DNAJC3: variants seen among roughly 807,000 people sequenced by gnomAD.
The protein encoded by DNAJC3 is DnaJ heat shock protein family (Hsp40) member C3.
Under a neutral mutation model 68.6 loss-of-function variants are expected in DNAJC3, and 38 were observed. The observed-to-expected ratio is 0.55, with a 90% CI of 0.43 to 0.73. DNAJC3 has a LOEUF of 0.73. Among genes scored for constraint, DNAJC3 ranks in the 30% least tolerant of loss-of-function variants. DNAJC3 has a pLI of 0.00. For missense variants in DNAJC3, 526 were observed against 591.9 expected (o/e 0.89, Z 1.16); for synonymous variants, 203 against 204.0 (o/e 1.00, Z 0.04).
intron 2 of DNAJC3, among the ~76,000 whole-genome samples, chr13:95,717,130 T>C (rs570831025): frequency 6.6e-6 from 1 of 152,308 alleles, no homozygotes; most frequent in South Asian, 2.1e-4. Flanking sequence ...TAATAGACTT[T>C]ACAGAGGGTC....
At chr13:95,753,405 A>T (rs1882547575) in intron 4 of DNAJC3, among the ~76,000 whole-genome samples, 1 of 152,214 alleles carries the variant, frequency 6.6e-6, no homozygotes, top group African/African-American at 2.4e-5. Flanking sequence ...AGAATATGTG[A>T]AGGCAAATTC....
intron 1 of DNAJC3, chr13:95,693,428 A>G (rs1484610937): frequency 6.6e-6 from 1 of 152,132 alleles, no homozygotes; most frequent in African/African-American, 2.4e-5. Flanking sequence ...TTCTAATAGG[A>G]CAACCCCACT....
chr13:95,710,666 G>C (rs1273749171), intron 2 of DNAJC3, among the ~76,000 whole-genome samples: 3 of 151,048 alleles, frequency 2.0e-5, no homozygotes, highest in Non-Finnish European at 4.4e-5. Flanking sequence ...GTGGTGTTTT[G>C]TTTTGTTTTG....
chr13:95,704,592 A>G (rs192445281), intron 1 of DNAJC3, among the ~76,000 whole-genome samples: 1 of 152,322 alleles, frequency 6.6e-6, no homozygotes, highest in African/African-American at 2.4e-5. Flanking sequence ...TAGGTAATAC[A>G]TTCTGTGAGT....
chr13:95,735,485 G>T (rs2139652376), intron 4 of DNAJC3, among the ~76,000 whole-genome samples: 1 of 145,568 alleles, frequency 6.9e-6, no homozygotes, highest in Middle Eastern at 3.5e-3. Context: ...AGCACCTGTT[G>T]TTTCCTGACT....
chr13:95,703,214 T>C (rs551594543), intron 1 of DNAJC3, among the ~76,000 whole-genome samples: 2 of 152,344 alleles, frequency 1.3e-5, no homozygotes, highest in South Asian at 4.1e-4. Context: ...CACCTTACTA[T>C]GTATGGTTGA....
At chr13:95,782,572 T>G (rs1309896909) in intron 9 of DNAJC3, among the ~76,000 whole-genome samples, 1 of 152,226 alleles carries the variant, frequency 6.6e-6, no homozygotes, top group Non-Finnish European at 1.5e-5. Flanking sequence ...GAGCTTTTTT[T>G]CATATGTCTG....
intron 2 of DNAJC3, 107 bp from the exon 3 acceptor site, chr13:95,723,135 C>A: frequency 1.0e-6 from 1 of 992,508 alleles, no homozygotes; most frequent in Non-Finnish European, 1.4e-6. Flanking sequence ...TTCTTAATGT[C>A]CATCTTAGTA....
In DNAJC3 at chr13:95,686,122, C is replaced by T. The variant is rs552196038; in HGVS notation, c.82+8785C>T. ...GACTACAGGTGCCTGCCACCATGCCCGGCTAATTTTTTGTATTTTTAGTAG... is the reference window on the plus strand; with the variant it reads ...GACTACAGGTGCCTGCCACCATGCCTGGCTAATTTTTTGTATTTTTAGTAG... On this transcript the variant is annotated intron_variant, in intron 1 of 11. Coordinates refer to ENST00000602402, the MANE Select transcript of DNAJC3 (RefSeq NM_006260.5). 7.2e-5 allele frequency among the ~76,000 whole-genome samples: 11 copies of T among 152,176 alleles called. No individual in the cohort carries two copies. The South Asian group carries it at 1.2e-3, about 17-fold the overall frequency.
rs1461550112 is a variant in DNAJC3, at chr13:95,740,331, GGCTCCACCCAGTTGGA to G, written c.393+15083_393+15098del. ...AGGCAGGCCTCCTTGAGCTGTGGTG[GGCTCCACCCAGTTGGA>G]GCTTCCCGGCTGCTTTGTTTACCTA... On this transcript the variant is annotated intron_variant, in intron 4 of 11. Coordinates refer to ENST00000602402, the MANE Select transcript of DNAJC3 (RefSeq NM_006260.5). 2.2e-3 allele frequency among the ~76,000 whole-genome samples: 335 copies of G among 152,344 alleles called. 1 individual carries two copies. The highest frequency in any genetic ancestry group is 3.5e-3 in the Non-Finnish European group (239 of 68,030).
chr13:95,730,300 CT>C (rs1384822765), intron 4 of DNAJC3, among the ~76,000 whole-genome samples: 1 of 152,132 alleles, frequency 6.6e-6, no homozygotes, highest in Non-Finnish European at 1.5e-5. Flanking sequence ...AGCCCAGAAG[CT>C]TTTTAGTTTA....
rs1362218434 is a variant in DNAJC3, at chr13:95,691,383, C to T, written c.82+14046C>T. Among the ~76,000 whole-genome samples the T allele has an allele frequency of 5.3e-5, 8 of 149,676 alleles. No individual in the cohort carries two copies. In the South Asian group the frequency reaches 6.4e-4, roughly 12 times the overall value. On this transcript the variant is annotated intron_variant, in intron 1 of 11. Coordinates refer to ENST00000602402, the MANE Select transcript of DNAJC3 (RefSeq NM_006260.5). Reference sequence around the variant, plus strand: ...GGGTCTCCTCACTTCTCAGACGGGGCGGCCGGGCAGAGACGCTCCTCACAT... The same window carrying T: ...GGGTCTCCTCACTTCTCAGACGGGGTGGCCGGGCAGAGACGCTCCTCACAT...
chr13:95,750,701 A>T lies in DNAJC3; in HGVS notation c.394-6943A>T, dbSNP rs918118608. On this transcript the variant is annotated intron_variant, in intron 4 of 11. Transcript: ENST00000602402. Reference sequence around the variant, plus strand: ...ATTTTTGTATTTTTTAGTAGAAATGATGTTTCTCCATGTTGGCCAGGCTGG... The same window carrying T: ...ATTTTTGTATTTTTTAGTAGAAATGTTGTTTCTCCATGTTGGCCAGGCTGG... 2.0e-5 allele frequency among the ~76,000 whole-genome samples: 3 copies of T among 151,768 alleles called. No homozygotes were observed. The East Asian group carries it at 5.8e-4, about 29-fold the overall frequency.
chr13:95,755,238 G>A (rs946138361), intron 4 of DNAJC3, among the ~76,000 whole-genome samples: 30 of 152,110 alleles, frequency 2.0e-4, no homozygotes, highest in African/African-American at 7.2e-4. Flanking sequence ...CTGAGGCCCG[G>A]AGTTGGAGAC....
chr13:95,783,793 G>A (rs769312357), intron 9 of DNAJC3, among the ~76,000 whole-genome samples: 1 of 152,172 alleles, frequency 6.6e-6, no homozygotes, highest in Non-Finnish European at 1.5e-5. Flanking sequence ...TTGTCACACG[G>A]CCACGAAAAA....
chr13:95,724,973 C>T (rs1000768438), intron 3 of DNAJC3, among the ~76,000 whole-genome samples: 7 of 151,954 alleles, frequency 4.6e-5, no homozygotes, highest in African/African-American at 1.4e-4. Context: ...TTGGGTAGAA[C>T]AAAAAGTATT....
At chr13:95,766,131 T>C (rs1002447170) in intron 9 of DNAJC3, among the ~76,000 whole-genome samples, 1 of 152,212 alleles carries the variant, frequency 6.6e-6, no homozygotes, top group Non-Finnish European at 1.5e-5. Context: ...GAAATATGCT[T>C]TCCATATTCT....
chr13:95,688,946 GT>G (rs1566466678), intron 1 of DNAJC3, among the ~76,000 whole-genome samples: 41 of 150,852 alleles, frequency 2.7e-4, no homozygotes, highest in Admixed American at 1.7e-3. Flanking sequence ...GTGTGTGTGT[GT>G]GTGTGTGTGT....
intron 1 of DNAJC3, among the ~76,000 whole-genome samples, chr13:95,704,851 G>GTTTTTTTTGTTTTTTTTT (rs1880681297): frequency 1.0e-5 from 1 of 97,860 alleles, no homozygotes; most frequent in African/African-American, 6.0e-5. Flanking sequence ...GTGTGTGTGT[G>GTTTTTTTTGTTTTTTTTT]TTTTTTTTTT....
Sources: allele counts gnomAD v4.1 joint callset (sites outside exome capture counted in the v4.1 genomes callset), GRCh38; gene constraint gnomAD v4.1.1; transcripts MANE v1.5; gene names NCBI Gene and HGNC (gene_info 2026-07-23, HGNC 2026-07-21).